CMSS1: variants seen among roughly 807,000 people sequenced by gnomAD.
CMSS1 encodes the protein cms1 ribosomal small subunit homolog.
In CMSS1, 33 loss-of-function variants were observed where a neutral mutation model predicts 43.5. The observed-to-expected ratio is 0.76, with a 90% CI of 0.57 to 1.01. The LOEUF is 1.01. CMSS1 is among the 50% of genes least tolerant of loss of function. The pLI is 0.00. For synonymous variants in CMSS1, 115 were observed against 117.2 expected, an observed-to-expected ratio of 0.98 and a Z score of 0.12; for missense variants, 313 against 326.4, an observed-to-expected ratio of 0.96 and a Z score of 0.32.
chr3:100,114,840 C>T (rs769669419), intron 1 of CMSS1: 1 of 705,584 alleles, frequency 1.4e-6, no homozygotes, highest in Non-Finnish European at 2.3e-6. Flanking sequence ...GGGCATGACC[C>T]CTTCTTTGAC....
chr3:99,941,414 A>T (rs1707847161), intron 1 of CMSS1, among the ~76,000 whole-genome samples: 1 of 152,260 alleles, frequency 6.6e-6, no homozygotes, highest in South Asian at 2.1e-4. Flanking sequence ...TAGTAAAGCC[A>T]TCTCAGAGAT....
intron 1 of CMSS1, chr3:99,924,350 A>G (rs1707220617): frequency 5.0e-6 from 8 of 1,614,118 alleles, no homozygotes; most frequent in Non-Finnish European, 6.8e-6. Flanking sequence ...TTCTGCCACT[A>G]AAAGCTGTCC....
At chr3:100,041,587 C>CA (rs917069952) in intron 1 of CMSS1, among the ~76,000 whole-genome samples, 23 of 151,102 alleles carry the variant, frequency 1.5e-4, no homozygotes, top group Non-Finnish European at 1.5e-4. Context: ...ACTAAGGCTA[C>CA]AAAAAAAATA....
intron 1 of CMSS1, chr3:99,833,197 G>A: frequency 1.3e-6 from 2 of 1,590,906 alleles, no homozygotes; most frequent in Non-Finnish European, 1.7e-6. Flanking sequence ...ATGAAGACTG[G>A]GATTTGGAAT....
At chr3:100,131,375 T>G (rs1381950057) in intron 1 of CMSS1, among the ~76,000 whole-genome samples, 5 of 152,228 alleles carry the variant, frequency 3.3e-5, no homozygotes, top group Non-Finnish European at 5.9e-5. Context: ...CCACGGGCAA[T>G]ACACTCATCT....
chr3:99,870,051 A>G (rs1944713298), intron 1 of CMSS1, among the ~76,000 whole-genome samples: 2 of 152,176 alleles, frequency 1.3e-5, no homozygotes, highest in African/African-American at 4.8e-5. Context: ...CTCTGTAGTG[A>G]TATAATCAGT....
At chr3:99,973,006 G>T (rs761211468) in intron 1 of CMSS1, among the ~76,000 whole-genome samples, 1 of 152,066 alleles carries the variant, frequency 6.6e-6, no homozygotes, top group East Asian at 1.9e-4. Flanking sequence ...AGAGAATTTG[G>T]GACAGAAACC....
At chr3:99,843,873 A>G (rs949708683) in intron 1 of CMSS1, among the ~76,000 whole-genome samples, 10 of 152,180 alleles carry the variant, frequency 6.6e-5, no homozygotes, top group African/African-American at 2.4e-4. Flanking sequence ...AGATTCTCAT[A>G]GGAGCACGAA....
At chr3:99,870,134 C>A (rs1944718070) in intron 1 of CMSS1, among the ~76,000 whole-genome samples, 1 of 152,298 alleles carries the variant, frequency 6.6e-6, no homozygotes, top group East Asian at 1.9e-4. Context: ...ATTATTCAAT[C>A]TTTATTGAGT....
chr3:99,850,437 A>G (rs558704957), intron 1 of CMSS1: 3 of 1,614,024 alleles, frequency 1.9e-6, no homozygotes, highest in African/African-American at 2.7e-5. Flanking sequence ...CCTCTAGTTT[A>G]AAGTCTTTAC....
intron 1 of CMSS1, among the ~76,000 whole-genome samples, chr3:100,068,953 T>C (rs2065714767): frequency 6.6e-6 from 1 of 152,220 alleles, no homozygotes; most frequent in South Asian, 2.1e-4. Context: ...CAGGTGGCAC[T>C]GTGAAATAGA....
At chr3:100,070,163 C>G (rs1224168662) in intron 1 of CMSS1, among the ~76,000 whole-genome samples, 1 of 152,190 alleles carries the variant, frequency 6.6e-6, no homozygotes, top group African/African-American at 2.4e-5. Context: ...ATTCCTGTTA[C>G]AGCCAGAGCA....
chr3:100,106,855 T>C (rs2066404103), intron 1 of CMSS1, among the ~76,000 whole-genome samples: 1 of 152,168 alleles, frequency 6.6e-6, no homozygotes, highest in African/African-American at 2.4e-5. Flanking sequence ...AGAGGTTATA[T>C]TGTTGCTTTT....
intron 1 of CMSS1, among the ~76,000 whole-genome samples, chr3:99,880,184 C>T (rs1230849375): frequency 6.6e-6 from 1 of 152,184 alleles, no homozygotes; most frequent in Non-Finnish European, 1.5e-5. Flanking sequence ...AACCTTCTCT[C>T]CATGCCCTAG....
At chr3:99,819,051 T>C (rs1445760638) in intron 1 of CMSS1, among the ~76,000 whole-genome samples, 8 of 152,264 alleles carry the variant, frequency 5.3e-5, no homozygotes, top group Non-Finnish European at 1.0e-4. Context: ...AGACACTTGA[T>C]ACCTATTTGC....
At chr3:100,051,852 A>G (rs71313585) in intron 1 of CMSS1, among the ~76,000 whole-genome samples, 27,410 of 148,422 alleles carry the variant, frequency 0.18, 2,870 homozygotes, top group South Asian at 0.25. Context: ...TATATTTTTT[A>G]TAGTATAAGT....
intron 1 of CMSS1, among the ~76,000 whole-genome samples, chr3:99,831,206 A>C (rs1393930142): frequency 9.9e-5 from 15 of 152,246 alleles, no homozygotes; most frequent in Admixed American, 9.8e-4. Flanking sequence ...TTATAGTATA[A>C]TTATGACAAC....
Position 100,166,437 on chromosome 3 carries a change from T to C in CMSS1, c.415+43T>C, listed in dbSNP as rs916794165. 3.4e-5 allele frequency: 45 copies of C among 1,324,138 alleles called. 1 individual carries two copies. Among genetic ancestry groups the C allele is most frequent in the Non-Finnish European group, 4.3e-6 (4 of 925,372 alleles). The allele number at this position is 1,324,138 out of a possible 1,614,324, so 82.0% of individuals were successfully genotyped here. A position where few individuals can be genotyped will look rare whatever the true frequency, so the allele number is the denominator to read the frequency against. Reference sequence around the variant, plus strand: ...TTAATCTATTTAAACTCATTCTTATTTTGCTCTGGTTTTGGGAATTTAGGT... The same window carrying C: ...TTAATCTATTTAAACTCATTCTTATCTTGCTCTGGTTTTGGGAATTTAGGT... On this transcript the variant is annotated intron_variant, in intron 5 of 9. Coordinates refer to ENST00000421999, the MANE Select transcript of CMSS1 (RefSeq NM_032359.4).
At chr3:100,156,019 C>T (rs1281233568) in intron 2 of CMSS1, among the ~76,000 whole-genome samples, 1 of 152,120 alleles carries the variant, frequency 6.6e-6, no homozygotes, top group African/African-American at 2.4e-5. Context: ...ACCTAATGGG[C>T]TTTCAATCTG....
Sources: gnomAD v4.1 joint callset for allele counts (sites outside exome capture counted in the v4.1 genomes callset) on GRCh38, gnomAD v4.1.1 for gene constraint, MANE v1.5 for transcripts, NCBI Gene and HGNC (gene_info 2026-07-23, HGNC 2026-07-21) for gene names.